LHCGR: variants seen among roughly 807,000 people sequenced by gnomAD.
LHCGR encodes the protein lutropin-choriogonadotropic hormone receptor.
Under a neutral mutation model 60.7 loss-of-function variants are expected in LHCGR, and 55 were observed. That is an observed-to-expected ratio of 0.91 (90% CI 0.73 to 1.13). LHCGR has a LOEUF of 1.13. LHCGR is among the 50% of genes most tolerant of loss of function. The pLI is 0.00. For synonymous variants in LHCGR, 337 were observed against 316.5 expected, an observed-to-expected ratio of 1.06 and a Z score of -0.69; for missense variants, 862 against 836.0, an observed-to-expected ratio of 1.03 and a Z score of -0.38.
At chr2:48,709,771 C>A (rs188701951) in intron 7 of LHCGR, among the ~76,000 whole-genome samples, 1 of 152,314 alleles carries the variant, frequency 6.6e-6, no homozygotes, top group Non-Finnish European at 1.5e-5. Flanking sequence ...TCCTTAGGAG[C>A]AGCACAATCT....
intron 1 of LHCGR, among the ~76,000 whole-genome samples, chr2:48,746,076 A>G (rs1669694232): frequency 6.6e-6 from 1 of 152,170 alleles, no homozygotes; most frequent in African/African-American, 2.4e-5. Context: ...TGTTTACATA[A>G]TACTAATATA....
chr2:48,727,230 G>C (rs75280684), intron 3 of LHCGR, among the ~76,000 whole-genome samples: 4 of 151,724 alleles, frequency 2.6e-5, no homozygotes, highest in Middle Eastern at 3.4e-3. Context: ...ATTTGAGGTC[G>C]GTCTGGGCAA....
chr2:48,752,077 CT>C (rs1669981597), intron 1 of LHCGR, among the ~76,000 whole-genome samples: 1 of 152,062 alleles, frequency 6.6e-6, no homozygotes, highest in South Asian at 2.1e-4. Context: ...TCAGTTTTTT[CT>C]TTCATTTTTT....
chr2:48,732,782 TA>T, intron 1 of LHCGR: 1 of 520,618 alleles, frequency 1.9e-6, no homozygotes. Flanking sequence ...CCCTAGGTGC[TA>T]ATAGGGAGGA....
rs6733079 is a variant in LHCGR, at chr2:48,708,710, C to G, written c.680+238G>C. 69,140 of 591,768 alleles carry G rather than the reference C, an allele frequency of 0.12. 6,464 individuals are homozygous for G. The highest frequency in any genetic ancestry group is 0.37 in the African/African-American group (19,820 of 53,672). 36.7% of individuals were successfully genotyped at this position (591,768 alleles called of 1,614,324 possible). A position where few individuals can be genotyped will look rare whatever the true frequency, so the allele number is the denominator to read the frequency against. On this transcript the variant is annotated intron_variant, in intron 8 of 10. Coordinates refer to ENST00000294954, the MANE Select transcript of LHCGR (RefSeq NM_000233.4). ...AGAGGGAGCCAACCCCTGCTGACACCTTGATTTTGGACATCTAGCTTCCAG... is the reference window on the plus strand; with the variant it reads ...AGAGGGAGCCAACCCCTGCTGACACGTTGATTTTGGACATCTAGCTTCCAG...
intron 10 of LHCGR, among the ~76,000 whole-genome samples, chr2:48,691,049 A>G (rs768094293): frequency 1.1e-4 from 17 of 152,208 alleles, no homozygotes; most frequent in Non-Finnish European, 2.5e-4. Flanking sequence ...GTTTTTACCC[A>G]TCTTCTGCTA....
At position 48,714,039 on chromosome 2, in the gene LHCGR, A is replaced by T; in HGVS notation, c.552T>A (p.Asn184Lys). 1.2e-6 allele frequency: 2 copies of T among 1,612,748 alleles called. No homozygotes were observed. The highest frequency in any genetic ancestry group is 1.7e-6 in the Non-Finnish European group (2 of 1,178,860). ...NESVTLKLYG[N>K]GFEEVQSHAF... is the part of the protein sequence containing the mutation. Reference sequence around the variant, plus strand: ...CATGACTTTGTACTTCTTCAAATCCATTTCCATATAGTTTGCTGAAGGAGG... The same window carrying T: ...CATGACTTTGTACTTCTTCAAATCCTTTTCCATATAGTTTGCTGAAGGAGG... The change falls in exon 7 of 11, where the codon AAT becomes AAA. Residue 184 changes from asparagine (N) to lysine (K), a missense_variant. Asn to Lys is a moderately conservative substitution (Grantham distance 94). Coordinates refer to ENST00000294954, the MANE Select transcript of LHCGR (RefSeq NM_000233.4).
intron 1 of LHCGR, among the ~76,000 whole-genome samples, chr2:48,736,854 T>C (rs1669224446): frequency 6.6e-6 from 1 of 152,250 alleles, no homozygotes; most frequent in African/African-American, 2.4e-5. Flanking sequence ...TTGCTTTAAA[T>C]AGCAAACTCC....
At chr2:48,753,542 T>A (rs1389228884) in intron 1 of LHCGR, among the ~76,000 whole-genome samples, 5 of 152,110 alleles carry the variant, frequency 3.3e-5, no homozygotes, top group Non-Finnish European at 5.9e-5. Context: ...CCCCCAAACC[T>A]AGTCAGCCCT....
At chr2:48,693,935 G>T (rs1352449111) in intron 10 of LHCGR, among the ~76,000 whole-genome samples, 1 of 152,122 alleles carries the variant, frequency 6.6e-6, no homozygotes, top group Non-Finnish European at 1.5e-5. Flanking sequence ...ATCAGCCTTT[G>T]GTGACATCAA....
intron 6 of LHCGR, among the ~76,000 whole-genome samples, chr2:48,722,942 A>T (rs1025776440): frequency 2.6e-5 from 4 of 152,174 alleles, no homozygotes; most frequent in African/African-American, 9.7e-5. Flanking sequence ...ATTTTTAAGC[A>T]TTAAGGAATA....
rs1342067681 is a variant in LHCGR at position 48,687,059 on chromosome 2, A to T, written c.*638T>A. 2 of 152,222 alleles carry T rather than the reference A, an allele frequency of 1.3e-5. No individual in the cohort carries two copies. The highest frequency in any genetic ancestry group is 2.9e-5 in the Non-Finnish European group (2 of 68,068). 9.4% of individuals were successfully genotyped at this position (152,222 alleles called of 1,614,324 possible). ...TAAATTATAAATAAGTAGAATCCAG[A>T]TAGGGCATAGATAAAAGTCTCTATA... On this transcript the variant is annotated 3_prime_UTR_variant, in exon 11 of 11. Coordinates refer to ENST00000294954, the MANE Select transcript of LHCGR (RefSeq NM_000233.4).
Position 48,688,998 on chromosome 2 carries a change from C to CT in LHCGR, c.948-150dup. 1.3e-6 allele frequency: 1 copy of CT among 761,426 alleles called. No homozygotes were observed. Among genetic ancestry groups the CT allele is most frequent in the Non-Finnish European group, 2.1e-6 (1 of 467,122 alleles). 47.2% of individuals were successfully genotyped at this position (761,426 alleles called of 1,614,324 possible). On this transcript the variant is annotated intron_variant, in intron 10 of 10. Transcript: ENST00000294954. The surrounding 1 kb of genome is among the most constrained non-coding windows in gnomAD (Gnocchi z 5.2). Reference sequence around the variant, plus strand: ...ATTTATTTGTTAAATTATTTGAGAACTCTGATTTGATGTAGGAGTACCTTA... The same window carrying CT: ...ATTTATTTGTTAAATTATTTGAGAACTTCTGATTTGATGTAGGAGTACCTTA...
chr2:48,687,482 C>G lies in LHCGR; in HGVS notation c.*215G>C. 1 of 468,910 alleles carries G rather than the reference C, an allele frequency of 2.1e-6. No homozygotes were observed. The highest frequency in any genetic ancestry group is 4.5e-5 in the South Asian group (1 of 22,356). 29.0% of individuals were successfully genotyped at this position (468,910 alleles called of 1,614,324 possible). A position where few individuals can be genotyped will look rare whatever the true frequency, so the allele number is the denominator to read the frequency against. The stretch of plus-strand genomic sequence containing the variant: ...TTCTATAAAAATTTCTAAACACTCT[C>G]AACTTCAGTATTTATGCCATGTAAC... On this transcript the variant is annotated 3_prime_UTR_variant, in exon 11 of 11. Transcript: ENST00000294954.
intron 6 of LHCGR, chr2:48,720,996 C>A (rs2104447018): frequency 6.6e-6 from 1 of 152,382 alleles, no homozygotes; most frequent in African/African-American, 2.4e-5. Context: ...TCTGTTAGCT[C>A]TACCATAAAG....
chr2:48,712,540 A>G (rs916994045), intron 7 of LHCGR, among the ~76,000 whole-genome samples: 6 of 152,188 alleles, frequency 3.9e-5, no homozygotes, highest in Admixed American at 6.5e-5. Context: ...TAAGTCATCA[A>G]GTCAAAAAGA....
chr2:48,750,464 C>G (rs1486812851), intron 1 of LHCGR, among the ~76,000 whole-genome samples: 3 of 152,198 alleles, frequency 2.0e-5, no homozygotes, highest in Non-Finnish European at 4.4e-5. Flanking sequence ...ATTTCCCATT[C>G]AAATGATAGA....
chr2:48,743,732 A>G (rs1572890991), intron 1 of LHCGR, among the ~76,000 whole-genome samples: 1 of 152,102 alleles, frequency 6.6e-6, no homozygotes, highest in East Asian at 1.9e-4. Flanking sequence ...CCCACAGCCA[A>G]TATCATACTG....
chr2:48,728,647 A>G (rs1668851762), intron 3 of LHCGR, among the ~76,000 whole-genome samples: 1 of 152,178 alleles, frequency 6.6e-6, no homozygotes, highest in Non-Finnish European at 1.5e-5. Flanking sequence ...TACTTTGGCA[A>G]GGGTTGTTTC....
Sources: allele counts gnomAD v4.1 joint callset (sites outside exome capture counted in the v4.1 genomes callset), GRCh38; gene constraint gnomAD v4.1.1; non-coding constraint Gnocchi (gnomAD v3.1); transcripts MANE v1.5; gene names NCBI Gene and HGNC (gene_info 2026-07-23, HGNC 2026-07-21).